Variants in KCNMB2 observed in about 807,000 individuals in gnomAD.
The protein encoded by KCNMB2 is potassium calcium-activated channel subfamily M regulatory beta subunit 2.
In KCNMB2, 9 loss-of-function variants were observed where a neutral mutation model predicts 24.5. The ratio of observed to expected loss-of-function variants is 0.37; its 90% CI spans 0.22 to 0.64. The LOEUF (loss-of-function observed/expected upper bound fraction) is 0.64, where lower values mean the gene tolerates loss of function less well. Ranked by LOEUF, KCNMB2 falls within the 30% of genes least tolerant of loss-of-function variation. KCNMB2 has a pLI of 0.63. For missense variants in KCNMB2, 226 were observed against 284.3 expected (o/e 0.79, Z 1.47); for synonymous variants, 109 against 104.4 (o/e 1.04, Z -0.27).
chr3:178,815,612 C>G (rs1456460116), intron 2 of KCNMB2, among the ~76,000 whole-genome samples: 1 of 152,044 alleles, frequency 6.6e-6, no homozygotes, highest in Non-Finnish European at 1.5e-5. Flanking sequence ...TGTTTCTGCT[C>G]ATAAAATGGA....
chr3:178,595,623 A>T (rs1303526447), intron 1 of KCNMB2, among the ~76,000 whole-genome samples: 1 of 152,042 alleles, frequency 6.6e-6, no homozygotes, highest in Non-Finnish European at 1.5e-5. Flanking sequence ...TTAGCTGGGC[A>T]TTCATTCTCC....
intron 1 of KCNMB2, among the ~76,000 whole-genome samples, chr3:178,642,447 C>T (rs949679786): frequency 6.6e-6 from 1 of 152,158 alleles, no homozygotes; most frequent in South Asian, 2.1e-4. Context: ...ACCAGCACCA[C>T]CCTGTGCTCC....
intron 1 of KCNMB2, among the ~76,000 whole-genome samples, chr3:178,557,874 C>T (rs1162964522): frequency 6.6e-6 from 1 of 152,146 alleles, no homozygotes; most frequent in Non-Finnish European, 1.5e-5. Flanking sequence ...TGACCACCAT[C>T]AAACAGCAAG....
chr3:178,645,859 C>T (rs146208113), intron 1 of KCNMB2, among the ~76,000 whole-genome samples: 5 of 152,254 alleles, frequency 3.3e-5, no homozygotes, highest in East Asian at 1.9e-4. Flanking sequence ...CCTCATGTGC[C>T]TATTACCTTT....
At chr3:178,744,849 C>T (rs1418445479) in intron 1 of KCNMB2, among the ~76,000 whole-genome samples, 2 of 152,196 alleles carry the variant, frequency 1.3e-5, no homozygotes, top group African/African-American at 2.4e-5. Flanking sequence ...CAGCTACTTT[C>T]TATTTGCCTG....
intron 1 of KCNMB2, among the ~76,000 whole-genome samples, chr3:178,544,912 T>C (rs1309653772): frequency 1.3e-5 from 2 of 152,218 alleles, no homozygotes; most frequent in Non-Finnish European, 2.9e-5. Flanking sequence ...GTATATACAA[T>C]AGGTTTTTTA....
At chr3:178,821,220 A>G (rs1447573695) in intron 2 of KCNMB2, among the ~76,000 whole-genome samples, 1 of 152,232 alleles carries the variant, frequency 6.6e-6, no homozygotes, top group Non-Finnish European at 1.5e-5. Context: ...GTGATAAGCT[A>G]TCAGCCTTGT....
At chr3:178,670,258 A>C (rs992403112) in intron 1 of KCNMB2, among the ~76,000 whole-genome samples, 7 of 152,236 alleles carry the variant, frequency 4.6e-5, no homozygotes, top group African/African-American at 1.7e-4. Flanking sequence ...GTTGGTGGGA[A>C]GCAGGGCTGG....
At chr3:178,824,543 A>T (rs2108466856) in intron 2 of KCNMB2, 1 of 152,072 alleles carries the variant, frequency 6.6e-6, no homozygotes. Flanking sequence ...AATTTTTTGT[A>T]TTTTTTTTTT....
intron 1 of KCNMB2, among the ~76,000 whole-genome samples, chr3:178,727,462 C>A (rs1723002485): frequency 6.6e-6 from 1 of 152,124 alleles, no homozygotes; most frequent in African/African-American, 2.4e-5. Context: ...AGGAAATTTG[C>A]AGATGTGATT....
chr3:178,709,050 T>A (rs899501518), intron 1 of KCNMB2, among the ~76,000 whole-genome samples: 1 of 152,152 alleles, frequency 6.6e-6, no homozygotes, highest in Non-Finnish European at 1.5e-5. Context: ...AAAATAGCAG[T>A]GTACTAGTTC....
rs138884866 is a variant in KCNMB2, at chr3:178,725,552, C to T, written c.-67-81791C>T. Among the ~76,000 whole-genome samples the T allele has an allele frequency of 1.9e-3, 288 of 152,094 alleles. 1 individual carries two copies. Among genetic ancestry groups the T allele is most frequent in the Middle Eastern group, 0.017 (5 of 294 alleles). On this transcript the variant is annotated intron_variant, in intron 1 of 4. Transcript: ENST00000452583. ...TAAAAATCAGTAGCATTTCTATACA[C>T]GTGATATCTTTCAACTAGATTTATT...
At position 178,825,569 on chromosome 3, in the gene KCNMB2, AT is replaced by A; in HGVS notation, c.57-18del. On this transcript the variant is annotated intron_variant, in intron 2 of 4. Coordinates refer to ENST00000452583, the MANE Select transcript of KCNMB2 (RefSeq NM_181361.3). ...GATTAACTAAACTTAATGTAAGACC[AT>A]ATTGTTTTTAACCTCAGAAATATTT... 6.2e-7 allele frequency: 1 copy of A among 1,604,036 alleles called. No homozygotes were observed. Among genetic ancestry groups the A allele is most frequent in the Non-Finnish European group, 8.5e-7 (1 of 1,172,166 alleles).
At chr3:178,615,921 G>A (rs1718688617) in intron 1 of KCNMB2, among the ~76,000 whole-genome samples, 1 of 152,110 alleles carries the variant, frequency 6.6e-6, no homozygotes, top group African/African-American at 2.4e-5. Context: ...TTCCTTCAAG[G>A]CAGTGGGTTC....
intron 1 of KCNMB2, among the ~76,000 whole-genome samples, chr3:178,786,211 T>G: frequency 6.6e-6 from 1 of 152,146 alleles, no homozygotes; most frequent in Non-Finnish European, 1.5e-5. Context: ...ATATTATGAG[T>G]TCAGAGAGGC....
At chr3:178,594,780 T>C (rs1311130826) in intron 1 of KCNMB2, among the ~76,000 whole-genome samples, 1 of 151,918 alleles carries the variant, frequency 6.6e-6, no homozygotes, top group Non-Finnish European at 1.5e-5. Context: ...TGTTAACACA[T>C]AAAAAGCACT....
intron 1 of KCNMB2, among the ~76,000 whole-genome samples, chr3:178,560,154 T>G (rs1323236558): frequency 6.6e-6 from 1 of 150,932 alleles, no homozygotes; most frequent in African/African-American, 2.4e-5. Context: ...AAGTAATTAG[T>G]CAGTTCATTT....
At chr3:178,647,610 T>A (rs1719962985) in intron 1 of KCNMB2, among the ~76,000 whole-genome samples, 2 of 152,238 alleles carry the variant, frequency 1.3e-5, no homozygotes, top group Non-Finnish European at 2.9e-5. Context: ...GTTGATTAAA[T>A]GAGAATACAT....
chr3:178,626,649 G>A (rs2108532975), intron 1 of KCNMB2, among the ~76,000 whole-genome samples: 1 of 152,144 alleles, frequency 6.6e-6, no homozygotes. Flanking sequence ...CTCATGAGAA[G>A]TCACTCACTA....
Sources: allele counts gnomAD v4.1 joint callset (sites outside exome capture counted in the v4.1 genomes callset), GRCh38; gene constraint gnomAD v4.1.1; transcripts MANE v1.5; gene names NCBI Gene and HGNC (gene_info 2026-07-23, HGNC 2026-07-21).